DRC4: variants seen among roughly 807,000 people sequenced by gnomAD.
DRC4 encodes the protein GAS-11.
the DRC4 span, among the ~76,000 whole-genome samples, chr16:90,026,602 T>C: frequency 3.3e-5 from 5 of 152,236 alleles, no homozygotes; most frequent in Admixed American, 2.0e-4. Flanking sequence ...CAGTGTGGTA[T>C]TGAGGGTCTT....
At chr16:90,022,031 T>C in the DRC4 span, 1 of 152,196 alleles carries the variant, frequency 6.6e-6, no homozygotes, top group Non-Finnish European at 1.5e-5. Context: ...AAGTGGCAGC[T>C]GTTTGTTTTC....
At chr16:90,037,772 C>G in the DRC4 span, 1 of 1,614,088 alleles carries the variant, frequency 6.2e-7, no homozygotes, top group African/African-American at 1.3e-5. Context: ...TGCACAAAAG[C>G]CCGTTTGAAA....
At chr16:90,020,242 T>C in the DRC4 span, 2 of 438,488 alleles carry the variant, frequency 4.6e-6, no homozygotes, top group Non-Finnish European at 8.1e-6. Context: ...TTTGGGAGGC[T>C]GAGGTGGGAG....
At chr16:90,036,175 A>T in the DRC4 span, 5 of 594,342 alleles carry the variant, frequency 8.4e-6, no homozygotes, top group African/African-American at 1.9e-5. Context: ...TGGCAAAGGC[A>T]GGCCGACAGT....
At chr16:90,035,868 A>T in the DRC4 span, 7 of 1,484,616 alleles carry the variant, frequency 4.7e-6, no homozygotes, top group Non-Finnish European at 5.4e-6. Context: ...TCCCAGAACA[A>T]CCTATTTCCA....
chr16:90,029,065 G>A, the DRC4 span: 1 of 1,219,482 alleles, frequency 8.2e-7, no homozygotes. Flanking sequence ...CCCAGCATGT[G>A]AGCTGCTGCC....
chr16:90,022,757 C>T, the DRC4 span: 7 of 1,365,850 alleles, frequency 5.1e-6, no homozygotes, highest in Admixed American at 9.0e-5. Flanking sequence ...CTGGGGTCCT[C>T]GGCAGGGGCC....
the DRC4 span, chr16:90,037,241 G>T: frequency 6.2e-7 from 1 of 1,610,874 alleles, no homozygotes; most frequent in Non-Finnish European, 8.5e-7. Flanking sequence ...GGAGCAGATG[G>T]AGGACATGCG....
the DRC4 span, chr16:90,042,589 T>A: frequency 6.7e-7 from 1 of 1,484,790 alleles, no homozygotes; most frequent in Non-Finnish European, 9.4e-7. Flanking sequence ...CCCAGACTGT[T>A]CTAAATGCAG....
chr16:90,027,203 A>T, the DRC4 span, among the ~76,000 whole-genome samples: 1 of 151,366 alleles, frequency 6.6e-6, no homozygotes, highest in East Asian at 1.9e-4. Flanking sequence ...CTCCTGCCTC[A>T]GCCTCCCGAG....
the DRC4 span, chr16:90,036,606 C>G: frequency 6.4e-7 from 1 of 1,555,358 alleles, no homozygotes; most frequent in Non-Finnish European, 8.7e-7. Flanking sequence ...GTGGGCTGGG[C>G]TGGGGAGGCA....
the DRC4 span, among the ~76,000 whole-genome samples, chr16:90,026,797 C>G: frequency 6.6e-6 from 1 of 152,036 alleles, no homozygotes; most frequent in Non-Finnish European, 1.5e-5. Flanking sequence ...ATTGTCCTGC[C>G]TTGGCCTCCC....
chr16:90,036,621 C>A, the DRC4 span: 2 of 1,540,084 alleles, frequency 1.3e-6, no homozygotes, highest in Non-Finnish European at 1.8e-6. Flanking sequence ...GAGGCACACT[C>A]TGCCTGTCCT....
At chr16:90,036,298 G>A in the DRC4 span, 1 of 1,266,164 alleles carries the variant, frequency 7.9e-7, no homozygotes, top group Non-Finnish European at 1.1e-6. Context: ...GGCGTTTTGG[G>A]CCCGTTTACA....
chr16:90,034,450 C>A, the DRC4 span, among the ~76,000 whole-genome samples: 1 of 152,004 alleles, frequency 6.6e-6, no homozygotes, highest in Non-Finnish European at 1.5e-5. Flanking sequence ...GGTGAAACCC[C>A]GTCTCTACTA....
chr16:90,026,420 C>G, the DRC4 span, among the ~76,000 whole-genome samples: 83 of 152,284 alleles, frequency 5.5e-4, no homozygotes, highest in African/African-American at 1.6e-3. Flanking sequence ...TCTGCCCAAG[C>G]TTTCTTGACC....
At chr16:90,034,083 G>C in the DRC4 span, among the ~76,000 whole-genome samples, 1 of 152,056 alleles carries the variant, frequency 6.6e-6, no homozygotes, top group South Asian at 2.1e-4. Context: ...TGAGAACTTG[G>C]GCAGAGGAGA....
At chr16:90,031,726 T>C in the DRC4 span, among the ~76,000 whole-genome samples, 2 of 152,304 alleles carry the variant, frequency 1.3e-5, no homozygotes, top group East Asian at 3.9e-4. Flanking sequence ...CTGGCCTGTT[T>C]GCAACTCAGC....
At chr16:90,038,967 T>G in the DRC4 span, among the ~76,000 whole-genome samples, 84 of 152,330 alleles carry the variant, frequency 5.5e-4, no homozygotes, top group South Asian at 5.6e-3. Context: ...TAATTGAAAT[T>G]TTTGAACACA....
Sources: gnomAD v4.1 joint callset for allele counts (sites outside exome capture counted in the v4.1 genomes callset) on GRCh38, gnomAD v4.1.1 for gene constraint, MANE v1.5 for transcripts, NCBI Gene and HGNC (gene_info 2026-07-23, HGNC 2026-07-21) for gene names.